SDR42E1: variants seen among roughly 807,000 people sequenced by gnomAD.
The protein encoded by SDR42E1 is short-chain dehydrogenase/reductase family 42E member 1.
A neutral mutation model predicts 2.6 loss-of-function variants in SDR42E1; 5 were observed. The observed-to-expected ratio is 1.94, with a 90% CI of 1.01 to 4.08. SDR42E1 has a LOEUF of 4.08. Among genes scored for constraint, SDR42E1 ranks in the 30% most tolerant of loss-of-function variants. The pLI is 0.00. For synonymous variants in SDR42E1, 231 were observed against 188.3 expected, an observed-to-expected ratio of 1.23 and a Z score of -1.86; for missense variants, 596 against 478.6, an observed-to-expected ratio of 1.25 and a Z score of -2.29.
rs983328098 is a variant in SDR42E1 at position 82,011,416 on chromosome 16, C to T, written c.-56G>A. The T allele has an allele frequency of 2.6e-5, 4 of 152,720 alleles. No individual in the cohort carries two copies. Among genetic ancestry groups the T allele is most frequent in the South Asian group, 2.1e-4 (1 of 4,830 alleles). The allele number at this position is 152,720 out of a possible 1,614,324, so 9.5% of individuals were successfully genotyped here. On this transcript the variant is annotated 5_prime_UTR_variant, in exon 1 of 3. Coordinates refer to ENST00000328945, the MANE Select transcript of SDR42E1 (RefSeq NM_145168.3). Reference sequence around the variant, plus strand: ...GCAGGAACAAGGGCGCGGCAGACGGCTACAGCAGGCAGAGAGGCCCAGGCC... The same window carrying T: ...GCAGGAACAAGGGCGCGGCAGACGGTTACAGCAGGCAGAGAGGCCCAGGCC...
At position 81,999,167 on chromosome 16, in the gene SDR42E1, G is replaced by A. The variant is rs775348632; in HGVS notation, c.1126C>T (p.Leu376Phe). 37 of 1,614,048 alleles carry A rather than the reference G, an allele frequency of 2.3e-5. No homozygotes were observed. The highest frequency in any genetic ancestry group is 3.1e-5 in the Non-Finnish European group (36 of 1,180,050). Residue 376 changes from leucine to phenylalanine, a missense_variant, in exon 3 of 3, where the codon CTC (leucine) becomes TTC (phenylalanine). Coordinates refer to ENST00000328945, the MANE Select transcript of SDR42E1 (RefSeq NM_145168.3). ...CACATGAGAACTGCTATAATCAGGA[G>A]GAAGACCAATAGCCCATCCCAAACA... ...CFVWDGLLVF[L>F]LIIAVLMWLP...
chr16:81,996,207 A>G lies in SDR42E1; in HGVS notation c.*2904T>C, dbSNP rs922320390. 6.6e-6 allele frequency: 1 copy of G among 152,212 alleles called. No homozygotes were observed. The highest frequency in any genetic ancestry group is 2.4e-5 in the African/African-American group (1 of 41,436). 9.4% of individuals were successfully genotyped at this position (152,212 alleles called of 1,614,324 possible). On this transcript the variant is annotated 3_prime_UTR_variant, in exon 3 of 3. Transcript: ENST00000328945. ...TGACAAAAGATTTGCACCTTTATAG[A>G]GTCTCTTGGCTAGGCATGTGGAGAA... is the stretch of plus-strand genomic sequence containing the variant.
intron 1 of SDR42E1, among the ~76,000 whole-genome samples, chr16:82,009,533 A>G (rs1398768581): frequency 6.6e-6 from 1 of 152,198 alleles, no homozygotes; most frequent in Non-Finnish European, 1.5e-5. Context: ...TGGATTTTAG[A>G]CTTGCATGGG....
chr16:82,005,723 A>T (rs1391091778), intron 1 of SDR42E1, among the ~76,000 whole-genome samples: 1 of 152,120 alleles, frequency 6.6e-6, no homozygotes, highest in Non-Finnish European at 1.5e-5. Flanking sequence ...TCCTTCCAAA[A>T]TGTGGCTTTG....
intron 1 of SDR42E1, among the ~76,000 whole-genome samples, chr16:82,006,249 G>T (rs1567566378): frequency 6.6e-6 from 1 of 152,168 alleles, no homozygotes; most frequent in African/African-American, 2.4e-5. Flanking sequence ...ATAACCCCAT[G>T]ATTACGTGTT....
rs981212892 is a variant in SDR42E1 at position 81,990,403 on chromosome 16, G to C, written c.*8708C>G. 6.6e-6 allele frequency: 1 copy of C among 152,158 alleles called. No individual in the cohort carries two copies. Among genetic ancestry groups the C allele is most frequent in the African/African-American group, 2.4e-5 (1 of 41,442 alleles). 9.4% of individuals were successfully genotyped at this position (152,158 alleles called of 1,614,324 possible). ...ACCATCTCTACCCGCATATGCAGTT[G>C]TTTTTTTCAAACTACAGTCTTATGT... On this transcript the variant is annotated 3_prime_UTR_variant, in exon 3 of 3. Coordinates refer to ENST00000328945, the MANE Select transcript of SDR42E1 (RefSeq NM_145168.3).
intron 1 of SDR42E1, among the ~76,000 whole-genome samples, chr16:82,008,687 A>C (rs1913028471): frequency 6.6e-6 from 1 of 152,214 alleles, no homozygotes; most frequent in African/African-American, 2.4e-5. Context: ...AGCAGAGTGT[A>C]GGTTTGAAAA....
In SDR42E1 at chr16:82,000,852, G is replaced by A. The variant is rs765833705; in HGVS notation, c.7C>T (p.Pro3Ser). ...ACACTTTCCTTTTGAGATCTTTTGG[G>A]GTCCATATGTGGCAGTCAAAAGATA... MD[P>S]KRSQKESVLI... Residue 3 changes from proline to serine, a missense_variant, in exon 2 of 3, where the codon CCC becomes TCC. Coordinates refer to ENST00000328945, the MANE Select transcript of SDR42E1 (RefSeq NM_145168.3). The A allele has an allele frequency of 3.7e-6, 6 of 1,613,486 alleles. No homozygotes were observed. The South Asian group carries it at 6.6e-5, about 18-fold the overall frequency.
chr16:82,001,260 AT>A (rs1597177404), intron 1 of SDR42E1, among the ~76,000 whole-genome samples: 1 of 152,168 alleles, frequency 6.6e-6, no homozygotes, highest in Non-Finnish European at 1.5e-5. Context: ...AGGAAGAGGC[AT>A]TTCCCCCCCA....
chr16:81,989,039 T>C lies in SDR42E1; in HGVS notation c.*10072A>G, dbSNP rs979472760. ...ATGCTTAATTCTTCATATAACTATG[T>C]GTCTTATATATAGGGTGATCGTACA... On this transcript the variant is annotated 3_prime_UTR_variant, in exon 3 of 3. Coordinates refer to ENST00000328945, the MANE Select transcript of SDR42E1 (RefSeq NM_145168.3). 1 of 152,186 alleles carries C rather than the reference T, an allele frequency of 6.6e-6. No homozygotes were observed. The highest frequency in any genetic ancestry group is 2.4e-5 in the African/African-American group (1 of 41,434). 9.4% of individuals were successfully genotyped at this position (152,186 alleles called of 1,614,324 possible). A position where few individuals can be genotyped will look rare whatever the true frequency, so the allele number is the denominator to read the frequency against.
chr16:81,999,624 G>C lies in SDR42E1; in HGVS notation c.669C>G (p.Val223=), dbSNP rs751099286. The change falls in exon 3 of 3, where the codon GTC becomes GTG. Residue 223 remains valine, a synonymous_variant. Transcript: ENST00000328945. The part of the protein sequence containing the change: ...YGDPRSLVEF[V]HVDNLVQAHI... ...GAGCCTGCACCAAGTTATCCACGTG[G>C]ACAAACTCAACCAGGCTCCTGGGGT... is the stretch of plus-strand genomic sequence containing the variant. 6.2e-7 allele frequency: 1 copy of C among 1,614,154 alleles called. No individual in the cohort carries two copies. Among genetic ancestry groups the C allele is most frequent in the Non-Finnish European group, 8.5e-7 (1 of 1,180,032 alleles).
Position 81,999,192 on chromosome 16 carries a change from A to G in SDR42E1, c.1101T>C (p.Phe367=). Reference sequence around the variant, plus strand: ...GGAAGACCAATAGCCCATCCCAAACAAAACACTCCGAGTCACGACTTCCAG... The same window carrying G: ...GGAAGACCAATAGCCCATCCCAAACGAAACACTCCGAGTCACGACTTCCAG... ...RSSGSRDSEC[F]VWDGLLVFLL... is the part of the protein sequence containing the mutation. The change falls in exon 3 of 3, where the codon TTT becomes TTC. Residue 367 remains phenylalanine, a synonymous_variant. Coordinates refer to ENST00000328945, the MANE Select transcript of SDR42E1 (RefSeq NM_145168.3). 1 of 1,614,220 alleles carries G rather than the reference A, an allele frequency of 6.2e-7. No homozygotes were observed.
rs1597174977 is a variant in SDR42E1, at chr16:81,999,159, A to C, written c.1134T>G (p.Ile378Met). Residue 378 changes from isoleucine (I) to methionine (M), a missense_variant, in exon 3 of 3, where the codon ATT (isoleucine) becomes ATG (methionine). Ile to Met is a conservative substitution (Grantham distance 10). Transcript: ENST00000328945. ...AAGGCAGCCACATGAGAACTGCTATAATCAGGAGGAAGACCAATAGCCCAT... is the reference window on the plus strand; with the variant it reads ...AAGGCAGCCACATGAGAACTGCTATCATCAGGAGGAAGACCAATAGCCCAT... ...VWDGLLVFLL[I>M]IAVLMWLPSS... The C allele has an allele frequency of 6.2e-7, 1 of 1,614,098 alleles. No homozygotes were observed. Among genetic ancestry groups the C allele is most frequent in the African/African-American group, 1.3e-5 (1 of 74,934 alleles).
In SDR42E1 at chr16:81,994,941, A is replaced by G. The variant is rs567677661; in HGVS notation, c.*4170T>C. On this transcript the variant is annotated 3_prime_UTR_variant, in exon 3 of 3. Transcript: ENST00000328945. ...TTTGAGAAACACCACAGCATAGGTA[A>G]TTTGGTGCCAGAATGAGTTATTTGA... The G allele has an allele frequency of 6.6e-6, 1 of 152,306 alleles. No individual in the cohort carries two copies. Among genetic ancestry groups the G allele is most frequent in the African/African-American group, 2.4e-5 (1 of 41,568 alleles). 9.4% of individuals were successfully genotyped at this position (152,306 alleles called of 1,614,324 possible). A position where few individuals can be genotyped will look rare whatever the true frequency, so the allele number is the denominator to read the frequency against.
rs1323887610 is a variant in SDR42E1 at position 81,993,433 on chromosome 16, G to A, written c.*5678C>T. On this transcript the variant is annotated 3_prime_UTR_variant, in exon 3 of 3. Coordinates refer to ENST00000328945, the MANE Select transcript of SDR42E1 (RefSeq NM_145168.3). ...GGTAAAATAGATGTAAGGAGTTCCT[G>A]AAATCATTGGTTCTGATCATTCCCC... The A allele has an allele frequency of 6.6e-6, 1 of 152,198 alleles. No homozygotes were observed. Among genetic ancestry groups the A allele is most frequent in the Non-Finnish European group, 1.5e-5 (1 of 68,046 alleles). The allele number at this position is 152,198 out of a possible 1,614,324, so 9.4% of individuals were successfully genotyped here. A position where few individuals can be genotyped will look rare whatever the true frequency, so the allele number is the denominator to read the frequency against.
At chr16:82,009,951 A>C (rs565239189) in intron 1 of SDR42E1, among the ~76,000 whole-genome samples, 16 of 152,208 alleles carry the variant, frequency 1.1e-4, no homozygotes, top group Admixed American at 2.0e-4. Context: ...CGTTCTCTTG[A>C]TAGTGAATAA....
Position 81,994,641 on chromosome 16 carries a change from TAAC to T in SDR42E1, c.*4467_*4469del. 1 of 152,324 alleles carries T rather than the reference TAAC, an allele frequency of 6.6e-6. No homozygotes were observed. The highest frequency in any genetic ancestry group is 2.1e-4 in the South Asian group (1 of 4,820). The allele number at this position is 152,324 out of a possible 1,614,324, so 9.4% of individuals were successfully genotyped here. On this transcript the variant is annotated 3_prime_UTR_variant, in exon 3 of 3. Coordinates refer to ENST00000328945, the MANE Select transcript of SDR42E1 (RefSeq NM_145168.3). ...CAAGAGATGCTGGTGAAGATTTTAATAACATTGCTGGTGCTGGCTTCCAAGGCC... is the reference window on the plus strand; with the variant it reads ...CAAGAGATGCTGGTGAAGATTTTAATATTGCTGGTGCTGGCTTCCAAGGCC...
chr16:82,006,523 T>G (rs756671057), intron 1 of SDR42E1, among the ~76,000 whole-genome samples: 2 of 152,242 alleles, frequency 1.3e-5, no homozygotes, highest in African/African-American at 4.8e-5. Flanking sequence ...CTGGGTGCAG[T>G]GGCTCACGCC....
At position 81,998,331 on chromosome 16, in the gene SDR42E1, G is replaced by C. The variant is rs1481549207; in HGVS notation, c.*780C>G. The C allele has an allele frequency of 6.6e-6, 1 of 152,162 alleles. No individual in the cohort carries two copies. The highest frequency in any genetic ancestry group is 2.4e-5 in the African/African-American group (1 of 41,420). The allele number at this position is 152,162 out of a possible 1,614,324, so 9.4% of individuals were successfully genotyped here. On this transcript the variant is annotated 3_prime_UTR_variant, in exon 3 of 3. Transcript: ENST00000328945. ...GTATATCCAAATACACTTGTTGCAGGCTCTGAGGGCACACCCAAAGACATT... is the reference window on the plus strand; with the variant it reads ...GTATATCCAAATACACTTGTTGCAGCCTCTGAGGGCACACCCAAAGACATT...
Sources: allele counts gnomAD v4.1 joint callset (sites outside exome capture counted in the v4.1 genomes callset), GRCh38; gene constraint gnomAD v4.1.1; transcripts MANE v1.5; gene names NCBI Gene and HGNC (gene_info 2026-07-23, HGNC 2026-07-21).